The following UBE2E1 variants were observed in gnomAD, a reference collection of about 807,000 sequenced individuals.
The protein encoded by UBE2E1 is ubiquitin conjugating enzyme E2 E1.
Under a neutral mutation model 21.4 loss-of-function variants are expected in UBE2E1, and 6 were observed. That is an observed-to-expected ratio of 0.28 (90% CI 0.15 to 0.55). The LOEUF (loss-of-function observed/expected upper bound fraction) is 0.55. Ranked by LOEUF, UBE2E1 falls within the 20% of genes least tolerant of loss-of-function variation. The pLI is 0.93. For missense variants in UBE2E1, 142 were observed against 236.5 expected (o/e 0.60, Z 2.62); for synonymous variants, 87 against 82.7 (o/e 1.05, Z -0.28).
intron 3 of UBE2E1, among the ~76,000 whole-genome samples, chr3:23,885,370 G>A (rs990412804): frequency 1.3e-5 from 2 of 152,102 alleles, no homozygotes; most frequent in Non-Finnish European, 2.9e-5. Context: ...ACCAAGAACC[G>A]GTTCTAACCT....
rs1701428902 is a variant in UBE2E1, at chr3:23,891,156, A to C, written c.*550A>C. On this transcript the variant is annotated 3_prime_UTR_variant, in exon 6 of 6. Transcript: ENST00000306627. Reference sequence around the variant, plus strand: ...TCTACTTTGTTTAAAAAAGGTCTGAATCAGGACTTGTGAAAACCTGTAGTG... The same window carrying C: ...TCTACTTTGTTTAAAAAAGGTCTGACTCAGGACTTGTGAAAACCTGTAGTG... The C allele has an allele frequency of 6.6e-6, 1 of 152,640 alleles. No individual in the cohort carries two copies. The highest frequency in any genetic ancestry group is 1.9e-4 in the East Asian group (1 of 5,202). The allele number at this position is 152,640 out of a possible 1,614,324, so 9.5% of individuals were successfully genotyped here.
At chr3:23,819,506 T>C (rs1359809351) in intron 3 of UBE2E1, among the ~76,000 whole-genome samples, 1 of 152,184 alleles carries the variant, frequency 6.6e-6, no homozygotes, top group Non-Finnish European at 1.5e-5. Flanking sequence ...AAGCAGCATC[T>C]TTCTGGTGTT....
At chr3:23,875,700 A>C (rs1189689602) in intron 3 of UBE2E1, among the ~76,000 whole-genome samples, 1 of 152,198 alleles carries the variant, frequency 6.6e-6, no homozygotes, top group East Asian at 1.9e-4. Context: ...TCTCCTTCCC[A>C]TAGTTAGGAA....
intron 3 of UBE2E1, among the ~76,000 whole-genome samples, chr3:23,885,380 T>G (rs1701158666): frequency 6.6e-6 from 1 of 152,142 alleles, no homozygotes. Flanking sequence ...GGTTCTAACC[T>G]CAGGAAATGA....
chr3:23,874,470 C>T (rs906518763), intron 3 of UBE2E1, among the ~76,000 whole-genome samples: 4 of 152,088 alleles, frequency 2.6e-5, no homozygotes, highest in Admixed American at 2.6e-4. Flanking sequence ...ACTAATAACC[C>T]GTTGGTATTT....
At chr3:23,844,497 A>T (rs72627018) in intron 3 of UBE2E1, among the ~76,000 whole-genome samples, 1 of 152,138 alleles carries the variant, frequency 6.6e-6, no homozygotes, top group Non-Finnish European at 1.5e-5. Flanking sequence ...CCAGCTCTCC[A>T]TCCCCACTAA....
At chr3:23,832,506 G>A (rs1289401975) in intron 3 of UBE2E1, among the ~76,000 whole-genome samples, 5 of 152,146 alleles carry the variant, frequency 3.3e-5, no homozygotes, top group South Asian at 4.1e-4. Context: ...TTAGCCAGGC[G>A]TGGTGGTGGG....
At position 23,810,661 on chromosome 3, in the gene UBE2E1, C is replaced by A; in HGVS notation, c.153-799C>A. The A allele has an allele frequency of 1.2e-6, 1 of 828,782 alleles. No homozygotes were observed. The highest frequency in any genetic ancestry group is 1.8e-6 in the Non-Finnish European group (1 of 565,030). 51.3% of individuals were successfully genotyped at this position (828,782 alleles called of 1,614,324 possible). A position where few individuals can be genotyped will look rare whatever the true frequency, so the allele number is the denominator to read the frequency against. ...GGCGGGCGGGGGTGTTCGCGCCCTG[C>A]TTTCGCGCGCGGTCTCGGGCCAAGG... On this transcript the variant is annotated intron_variant, in intron 2 of 5. Coordinates refer to ENST00000306627, the MANE Select transcript of UBE2E1 (RefSeq NM_003341.5). This position sits in a 1 kb window ranked among gnomAD's most constrained non-coding sequence, Gnocchi z 5.8.
chr3:23,807,947 A>G (rs2125277599), intron 2 of UBE2E1: 1 of 152,372 alleles, frequency 6.6e-6, no homozygotes, highest in African/African-American at 2.4e-5. Flanking sequence ...TTCTGGTGGA[A>G]TTTAAAGAGA....
intron 3 of UBE2E1, among the ~76,000 whole-genome samples, chr3:23,835,285 T>C (rs1470475807): frequency 6.6e-6 from 1 of 152,080 alleles, no homozygotes; most frequent in Non-Finnish European, 1.5e-5. Flanking sequence ...GCCTGGGCAG[T>C]ATAGCAAGAT....
chr3:23,845,545 T>C (rs968969572), intron 3 of UBE2E1, among the ~76,000 whole-genome samples: 3 of 150,238 alleles, frequency 2.0e-5, no homozygotes, highest in African/African-American at 7.3e-5. Flanking sequence ...TTTGTCCATC[T>C]CCCCACTGTT....
At chr3:23,861,457 G>A (rs1360704574) in intron 3 of UBE2E1, among the ~76,000 whole-genome samples, 1 of 152,166 alleles carries the variant, frequency 6.6e-6, no homozygotes, top group African/African-American at 2.4e-5. Context: ...GGTCCCTGGC[G>A]AGGGCTCCAC....
intron 3 of UBE2E1, among the ~76,000 whole-genome samples, chr3:23,833,058 ATAAAG>A (rs879037662): frequency 1.3e-5 from 2 of 152,290 alleles, no homozygotes; most frequent in East Asian, 3.9e-4. Flanking sequence ...AAAGAAAAAT[ATAAAG>A]TATTCAAGTT....
At position 23,887,526 on chromosome 3, in the gene UBE2E1, T is replaced by C; in HGVS notation, c.204-41T>C. 2 of 1,579,410 alleles carry C rather than the reference T, an allele frequency of 1.3e-6. No individual in the cohort carries two copies. The highest frequency in any genetic ancestry group is 1.2e-5 in the South Asian group (1 of 85,010). On this transcript the variant is annotated intron_variant, in intron 3 of 5. Transcript: ENST00000306627. The surrounding 1 kb of genome is among the most constrained non-coding windows in gnomAD (Gnocchi z 4.4). ...TTTTAATACACTGTAAAAATTGGGATAGTGCCACCATCTGCTTATTTGTTG... is the reference window on the plus strand; with the variant it reads ...TTTTAATACACTGTAAAAATTGGGACAGTGCCACCATCTGCTTATTTGTTG...
chr3:23,854,973 T>C (rs1183050709), intron 3 of UBE2E1, among the ~76,000 whole-genome samples: 1 of 152,224 alleles, frequency 6.6e-6, no homozygotes, highest in Non-Finnish European at 1.5e-5. Context: ...AGGTTAGGAT[T>C]CTCAAGTGTA....
At chr3:23,814,140 G>A (rs1343873950) in intron 3 of UBE2E1, among the ~76,000 whole-genome samples, 1 of 152,048 alleles carries the variant, frequency 6.6e-6, no homozygotes, top group African/African-American at 2.4e-5. Flanking sequence ...GGGCGACAGA[G>A]TGAGACCCTG....
At chr3:23,878,775 A>G (rs941986668) in intron 3 of UBE2E1, among the ~76,000 whole-genome samples, 3 of 152,224 alleles carry the variant, frequency 2.0e-5, no homozygotes, top group African/African-American at 7.2e-5. Flanking sequence ...GTTGCAGGAA[A>G]ACAAGCTCGG....
intron 5 of UBE2E1, 193 bp downstream of exon 5, chr3:23,889,452 T>G (rs1701290231): frequency 1.4e-6 from 2 of 1,421,888 alleles, no homozygotes; most frequent in Admixed American, 3.1e-5. Flanking sequence ...AATCAGTATA[T>G]TCTAGCAACA....
chr3:23,810,768 C>A lies in UBE2E1; in HGVS notation c.153-692C>A. The A allele has an allele frequency of 3.8e-6, 1 of 264,046 alleles. No individual in the cohort carries two copies. Among genetic ancestry groups the A allele is most frequent in the Non-Finnish European group, 7.1e-6 (1 of 141,384 alleles). The allele number at this position is 264,046 out of a possible 1,614,324, so 16.4% of individuals were successfully genotyped here. The stretch of plus-strand genomic sequence containing the variant: ...CCCTGTTCCCCTCCCCCGCCCGCAA[C>A]TTCACCGGCGCGGCGCGAGCCGTCG... On this transcript the variant is annotated intron_variant, in intron 2 of 5. Coordinates refer to ENST00000306627, the MANE Select transcript of UBE2E1 (RefSeq NM_003341.5). This position sits in a 1 kb window ranked among gnomAD's most constrained non-coding sequence, Gnocchi z 5.8.
Sources: allele counts gnomAD v4.1 joint callset (sites outside exome capture counted in the v4.1 genomes callset), GRCh38; gene constraint gnomAD v4.1.1; non-coding constraint Gnocchi (gnomAD v3.1); transcripts MANE v1.5; gene names NCBI Gene and HGNC (gene_info 2026-07-23, HGNC 2026-07-21).